The following PDE1A variants were observed in gnomAD, a reference collection of about 807,000 sequenced individuals.
PDE1A encodes the protein dual specificity calcium/calmodulin-dependent 3',5'-cyclic nucleotide phosphodiesterase 1A.
In PDE1A, 35 loss-of-function variants were observed where a neutral mutation model predicts 61.7. That is an observed-to-expected ratio of 0.57 (90% CI 0.43 to 0.75). The LOEUF (loss-of-function observed/expected upper bound fraction) is 0.75, where lower values mean the gene tolerates loss of function less well. Among genes scored for constraint, PDE1A ranks in the 30% least tolerant of loss-of-function variants. The pLI is 0.00. For missense variants in PDE1A, 597 were observed against 630.6 expected (o/e 0.95, Z 0.57); for synonymous variants, 232 against 213.2 (o/e 1.09, Z -0.77).
At chr2:182,704,220 A>C in the PDE1A span, among the ~76,000 whole-genome samples, 535 of 150,522 alleles carry the variant, frequency 3.6e-3, 6 homozygotes, top group African/African-American at 0.013. Flanking sequence ...GGAAAAAAAA[A>C]AAAAACAAAA....
the PDE1A span, among the ~76,000 whole-genome samples, chr2:182,630,201 T>C: frequency 3.3e-5 from 5 of 152,154 alleles, no homozygotes; most frequent in African/African-American, 1.2e-4. Flanking sequence ...AGTTTATACT[T>C]ATAATCTTGT....
chr2:182,149,725 C>T (rs887506628), intron 13 of PDE1A, among the ~76,000 whole-genome samples: 2 of 152,026 alleles, frequency 1.3e-5, no homozygotes, highest in East Asian at 3.9e-4. Flanking sequence ...AAAGAGGAAA[C>T]AATTTGCATT....
intron 1 of PDE1A, among the ~76,000 whole-genome samples, chr2:182,363,022 G>A (rs1293915971): frequency 6.6e-6 from 1 of 151,926 alleles, no homozygotes; most frequent in African/African-American, 2.4e-5. Context: ...GAGAACACAT[G>A]GATACATAGA....
chr2:182,255,924 G>C (rs1354202425), intron 2 of PDE1A, among the ~76,000 whole-genome samples: 1 of 151,238 alleles, frequency 6.6e-6, no homozygotes, highest in Admixed American at 6.6e-5. Context: ...CACCCGCCTC[G>C]GCCTCCCAAA....
intron 8 of PDE1A, among the ~76,000 whole-genome samples, chr2:182,202,562 G>A (rs902578635): frequency 1.3e-5 from 2 of 152,128 alleles, no homozygotes; most frequent in African/African-American, 4.8e-5. Flanking sequence ...GCTCAGATAA[G>A]ATTCAACGCA....
chr2:182,234,599 C>T, intron 3 of PDE1A, 101 bp from the exon 4 acceptor site: 9 of 725,108 alleles, frequency 1.2e-5, no homozygotes, highest in Non-Finnish European at 1.9e-5. Context: ...ACATGTTCAC[C>T]TCTTATCATT....
downstream of PDE1A, among the ~76,000 whole-genome samples, chr2:182,166,499 G>C (rs901009685): frequency 1.3e-5 from 2 of 152,120 alleles, no homozygotes; most frequent in Admixed American, 6.5e-5. Flanking sequence ...TCCCGGGAAG[G>C]GGGTGGTCTA....
chr2:182,299,206 T>C (rs1353969133), intron 1 of PDE1A, among the ~76,000 whole-genome samples: 1 of 151,892 alleles, frequency 6.6e-6, no homozygotes, highest in Admixed American at 6.6e-5. Context: ...ATAGGGTATA[T>C]AGATGCCAGG....
chr2:182,364,496 A>AAAAAAAAAAAAAAAC, intron 1 of PDE1A, among the ~76,000 whole-genome samples: 1 of 145,896 alleles, frequency 6.9e-6, no homozygotes, highest in Non-Finnish European at 1.5e-5. Context: ...AAAAAAAAAA[A>AAAAAAAAAAAAAAAC]AAACCTTATT....
intron 2 of PDE1A, among the ~76,000 whole-genome samples, chr2:182,451,568 A>T (rs1329846190): frequency 6.6e-6 from 1 of 151,984 alleles, no homozygotes; most frequent in African/African-American, 2.4e-5. Context: ...TAAAATGTTA[A>T]TTTTTTTATA....
intron 1 of PDE1A, among the ~76,000 whole-genome samples, chr2:182,417,175 C>T (rs1702972371): frequency 6.6e-6 from 1 of 152,236 alleles, no homozygotes; most frequent in Admixed American, 6.5e-5. Context: ...TTCCCAAACA[C>T]TTTATGCACT....
At chr2:182,200,179 T>C (rs1686496837) in intron 10 of PDE1A, among the ~76,000 whole-genome samples, 1 of 152,198 alleles carries the variant, frequency 6.6e-6, no homozygotes, top group Non-Finnish European at 1.5e-5. Flanking sequence ...TTATCTGATA[T>C]TCATTCCCAG....
the PDE1A span, among the ~76,000 whole-genome samples, chr2:182,664,309 T>C: frequency 2.0e-5 from 3 of 152,188 alleles, no homozygotes; most frequent in Non-Finnish European, 4.4e-5. Context: ...CATGGATTAT[T>C]ATACAAACAT....
At chr2:182,156,717 T>TA (rs540844848) in intron 13 of PDE1A, among the ~76,000 whole-genome samples, 78 of 152,256 alleles carry the variant, frequency 5.1e-4, no homozygotes, top group African/African-American at 1.8e-3. Context: ...TTCTCTGTGA[T>TA]AAAACCAGCA....
At chr2:182,480,668 G>A (rs1023217293) in intron 2 of PDE1A, among the ~76,000 whole-genome samples, 4 of 151,962 alleles carry the variant, frequency 2.6e-5, no homozygotes, top group Admixed American at 2.6e-4. Flanking sequence ...GAGAATGGGT[G>A]TAGGTTATAT....
chr2:182,299,644 G>A (rs894596784), intron 1 of PDE1A, among the ~76,000 whole-genome samples: 1 of 151,782 alleles, frequency 6.6e-6, no homozygotes, highest in Non-Finnish European at 1.5e-5. Context: ...TACAGTTTCT[G>A]TGCTAGATGT....
chr2:182,648,013 A>C, the PDE1A span, among the ~76,000 whole-genome samples: 1 of 152,146 alleles, frequency 6.6e-6, no homozygotes, highest in Non-Finnish European at 1.5e-5. Flanking sequence ...CTGATTTTCA[A>C]ATTTGCTTGA....
intron 1 of PDE1A, among the ~76,000 whole-genome samples, chr2:182,265,169 G>T (rs1692540028): frequency 6.6e-6 from 1 of 151,534 alleles, no homozygotes; most frequent in South Asian, 2.1e-4. Flanking sequence ...CACTGCTCGG[G>T]TGATGGGTGC....
At chr2:182,408,482 G>T (rs967517371) in intron 1 of PDE1A, among the ~76,000 whole-genome samples, 3 of 152,170 alleles carry the variant, frequency 2.0e-5, no homozygotes, top group African/African-American at 7.2e-5. Flanking sequence ...TTATTAAATG[G>T]TAACTATCAT....
Sources: gnomAD v4.1 joint callset for allele counts (sites outside exome capture counted in the v4.1 genomes callset) on GRCh38, gnomAD v4.1.1 for gene constraint, MANE v1.5 for transcripts, NCBI Gene and HGNC (gene_info 2026-07-23, HGNC 2026-07-21) for gene names.